GREB1L: variants seen among roughly 807,000 people sequenced by gnomAD.
The protein encoded by GREB1L is GREB1-like protein.
Under a neutral mutation model 200.8 loss-of-function variants are expected in GREB1L, and 17 were observed. That is an observed-to-expected ratio of 0.08 (90% CI 0.06 to 0.13). The LOEUF is 0.13. GREB1L is among the 10% of genes least tolerant of loss of function. The probability of loss-of-function intolerance (pLI) is 1.00; values close to 1 mark genes in which losing one functional copy is unlikely to be tolerated. For synonymous variants in GREB1L, 789 were observed against 893.0 expected, an observed-to-expected ratio of 0.88 and a Z score of 2.08; for missense variants, 1,657 against 2,367.7, an observed-to-expected ratio of 0.70 and a Z score of 6.23.
intron 1 of GREB1L, among the ~76,000 whole-genome samples, chr18:21,355,366 G>C (rs912730605): frequency 6.6e-6 from 1 of 151,922 alleles, no homozygotes; most frequent in Non-Finnish European, 1.5e-5. Flanking sequence ...GCTAATTTTT[G>C]TATTTTAAGT....
chr18:21,305,751 C>T (rs1326745443), intron 1 of GREB1L, among the ~76,000 whole-genome samples: 1 of 152,210 alleles, frequency 6.6e-6, no homozygotes, highest in African/African-American at 2.4e-5. Flanking sequence ...TGAGACCCTG[C>T]TGGTCTGGTA....
intron 1 of GREB1L, among the ~76,000 whole-genome samples, chr18:21,350,238 C>CTTTTTTTT (rs1019497941): frequency 7.5e-6 from 1 of 133,298 alleles, no homozygotes; most frequent in Non-Finnish European, 1.6e-5. Context: ...TTCTTTCTTT[C>CTTTTTTTT]TTTTTTTTTT....
chr18:21,298,946 T>A (rs2038573382), intron 1 of GREB1L, among the ~76,000 whole-genome samples: 1 of 149,740 alleles, frequency 6.7e-6, no homozygotes, highest in Non-Finnish European at 1.5e-5. Context: ...GGGGAGGGGG[T>A]TGAGGAGGAA....
chr18:21,452,169 T>C lies in GREB1L; in HGVS notation c.1936T>C (p.Cys646Arg), dbSNP rs2034559099. The C allele has an allele frequency of 6.4e-7, 1 of 1,551,756 alleles. No individual in the cohort carries two copies. ...CCCTTTCGATGGAGACCTTAATGAA[T>C]GTGTGTCACCCCAGGAGGCTGCTGC... is the stretch of plus-strand genomic sequence containing the variant. ...VTPFDGDLNE[C>R]VSPQEAAAMI... is the part of the protein sequence containing the mutation. The change falls in exon 14 of 33, where the codon TGT (cysteine) becomes CGT (arginine). Residue 646 changes from cysteine (C) to arginine (R), a missense_variant. Cys to Arg is a radical substitution (Grantham distance 180, BLOSUM62 -3). Around this residue, in one of 9 missense-constraint regions of GREB1L, gnomAD observed 239 missense variants for 421.8 expected, o/e 0.57. Transcript: ENST00000424526.
chr18:21,410,732 A>AG (rs1057442436), intron 7 of GREB1L, among the ~76,000 whole-genome samples: 1 of 128,066 alleles, frequency 7.8e-6, no homozygotes, highest in African/African-American at 3.9e-5. Flanking sequence ...GTCACCATAG[A>AG]GTAAAAAAAA....
intron 1 of GREB1L, among the ~76,000 whole-genome samples, chr18:21,268,599 A>G (rs1308030316): frequency 1.5e-5 from 2 of 133,058 alleles, no homozygotes; most frequent in African/African-American, 6.0e-5. Context: ...ATATACATGT[A>G]TATATATATG....
At chr18:21,513,366 C>G (rs574918152) in intron 27 of GREB1L, among the ~76,000 whole-genome samples, 18 of 152,312 alleles carry the variant, frequency 1.2e-4, no homozygotes, top group African/African-American at 4.3e-4. Flanking sequence ...TTGGCATACC[C>G]ACTCACTGCA....
At chr18:21,306,205 A>C (rs1366730815) in intron 1 of GREB1L, among the ~76,000 whole-genome samples, 1 of 152,176 alleles carries the variant, frequency 6.6e-6, no homozygotes, top group East Asian at 1.9e-4. Flanking sequence ...TGGTATGTAC[A>C]GTAGGTGTTC....
At position 21,262,328 on chromosome 18, in the gene GREB1L, T is replaced by G. The variant is rs73422024; in HGVS notation, c.-120+19935T>G. Among the ~76,000 whole-genome samples, 1,146 of 152,294 alleles carry G rather than the reference T, an allele frequency of 7.5e-3. 18 individuals are homozygous for G. Among genetic ancestry groups the G allele is most frequent in the African/African-American group, 0.027 (1,104 of 41,556 alleles). On this transcript the variant is annotated intron_variant, in intron 1 of 32. Transcript: ENST00000424526. ...CTTCCTTGCCATTCCTCTTAACTTC[T>G]GAGGCTTGGAGAAAGTGAACTTTAA...
chr18:21,408,098 G>A (rs2030491384), intron 7 of GREB1L, among the ~76,000 whole-genome samples: 1 of 152,148 alleles, frequency 6.6e-6, no homozygotes, highest in Non-Finnish European at 1.5e-5. Flanking sequence ...TTTTTAAATA[G>A]CTAGAAGAGA....
At chr18:21,316,192 C>G (rs1329875226) in intron 1 of GREB1L, among the ~76,000 whole-genome samples, 1 of 152,106 alleles carries the variant, frequency 6.6e-6, no homozygotes, top group Non-Finnish European at 1.5e-5. Context: ...ACACAGGGTC[C>G]AGGGCAAGGG....
chr18:21,399,632 C>A (rs1185889123), intron 5 of GREB1L, among the ~76,000 whole-genome samples: 2 of 152,100 alleles, frequency 1.3e-5, no homozygotes, highest in East Asian at 3.9e-4. Flanking sequence ...AAATACAATC[C>A]ATCTCTGAAT....
intron 7 of GREB1L, among the ~76,000 whole-genome samples, chr18:21,412,973 G>A (rs548915998): frequency 4.6e-5 from 7 of 152,124 alleles, no homozygotes; most frequent in East Asian, 3.9e-4. Context: ...TTTCTGTTTC[G>A]CATGTGGTGA....
At chr18:21,268,528 C>CATATATATATGTATATATATATAT (rs2038014292) in intron 1 of GREB1L, among the ~76,000 whole-genome samples, 1 of 82,622 alleles carries the variant, frequency 1.2e-5, no homozygotes, top group Admixed American at 1.3e-4. Flanking sequence ...TATATACACA[C>CATATATATATGTATATATATATAT]ACACACACAC....
At chr18:21,318,586 G>A (rs1443244787) in intron 1 of GREB1L, among the ~76,000 whole-genome samples, 3 of 152,116 alleles carry the variant, frequency 2.0e-5, no homozygotes, top group Non-Finnish European at 4.4e-5. Context: ...TTTAAATAAT[G>A]TAAATCCAGT....
chr18:21,489,893 C>T, intron 18 of GREB1L, 119 bp from the exon 19 acceptor site: 2 of 707,834 alleles, frequency 2.8e-6, no homozygotes, highest in Non-Finnish European at 4.7e-6. Context: ...ACTAAAGCCC[C>T]ACCACACTGA....
intron 4 of GREB1L, among the ~76,000 whole-genome samples, chr18:21,388,272 G>A (rs2040626824): frequency 6.6e-6 from 1 of 151,938 alleles, no homozygotes; most frequent in African/African-American, 2.4e-5. Flanking sequence ...TATTTTTGAA[G>A]AACAGCTTTA....
intron 1 of GREB1L, among the ~76,000 whole-genome samples, chr18:21,322,809 G>T (rs1413368849): frequency 6.6e-6 from 1 of 152,048 alleles, no homozygotes; most frequent in Non-Finnish European, 1.5e-5. Flanking sequence ...AAGTTAATTG[G>T]ATGCAATCTG....
intron 7 of GREB1L, among the ~76,000 whole-genome samples, chr18:21,417,161 G>T (rs2031718582): frequency 6.6e-6 from 1 of 152,170 alleles, no homozygotes. Flanking sequence ...GATTTCTCAT[G>T]GGAAACAATA....
Sources: allele counts gnomAD v4.1 joint callset (sites outside exome capture counted in the v4.1 genomes callset), GRCh38; gene constraint gnomAD v4.1.1; regional missense constraint gnomAD v4.1.1; transcripts MANE v1.5; gene names NCBI Gene and HGNC (gene_info 2026-07-23, HGNC 2026-07-21).